The following IFT88 variants were observed in gnomAD, a reference collection of about 807,000 sequenced individuals.
The protein encoded by IFT88 is intraflagellar transport 88, also known as intraflagellar transport protein 88 homolog.
A neutral mutation model predicts 119.5 loss-of-function variants in IFT88; 74 were observed. The ratio of observed to expected loss-of-function variants is 0.62; its 90% CI spans 0.51 to 0.75. IFT88 has a LOEUF of 0.75. IFT88 is among the 30% of genes least tolerant of loss of function. The pLI is 0.00. For synonymous variants in IFT88, 279 were observed against 316.7 expected, an observed-to-expected ratio of 0.88 and a Z score of 1.26; for missense variants, 961 against 977.7, an observed-to-expected ratio of 0.98 and a Z score of 0.23.
intron 17 of IFT88, among the ~76,000 whole-genome samples, chr13:20,640,301 G>A (rs2049686452): frequency 6.6e-6 from 1 of 151,780 alleles, no homozygotes; most frequent in South Asian, 2.1e-4. Context: ...GGCCAGGTGT[G>A]GTGGCTCATG....
intron 12 of IFT88, among the ~76,000 whole-genome samples, chr13:20,604,310 A>T (rs1229157508): frequency 6.6e-6 from 1 of 152,188 alleles, no homozygotes; most frequent in East Asian, 1.9e-4. Flanking sequence ...GTTAATTATT[A>T]TATATTATTT....
intron 12 of IFT88, 117 bp downstream of exon 12, chr13:20,602,050 G>C: frequency 1.6e-6 from 1 of 630,210 alleles, no homozygotes; most frequent in South Asian, 2.1e-5. Context: ...CTGTATCAAT[G>C]TGTTTTATTA....
At chr13:20,644,132 C>G (rs1444760003) in intron 19 of IFT88, among the ~76,000 whole-genome samples, 1 of 152,014 alleles carries the variant, frequency 6.6e-6, no homozygotes, top group Non-Finnish European at 1.5e-5. Context: ...TTTGGGAGAC[C>G]AGAGTGAGAG....
chr13:20,603,821 C>T (rs940836410), intron 12 of IFT88, among the ~76,000 whole-genome samples: 3 of 152,112 alleles, frequency 2.0e-5, no homozygotes, highest in East Asian at 1.9e-4. Flanking sequence ...CACCTGAGCC[C>T]GAGGAGGTCA....
intron 23 of IFT88, among the ~76,000 whole-genome samples, chr13:20,665,536 C>CA (rs1449304678): frequency 6.6e-6 from 1 of 152,082 alleles, no homozygotes; most frequent in Non-Finnish European, 1.5e-5. Context: ...ATATTATTGA[C>CA]AAAAGTCAAC....
At position 20,596,890 on chromosome 13, in the gene IFT88, CAG is replaced by C. The variant is rs141400955; in HGVS notation, c.490-124_490-123del. Reference sequence around the variant, plus strand: ...AAGGGAAGTTTCTGGTAAGAGCACACAGGGGTGTCTTGAGGAATCTGAGGATA... The same window carrying C: ...AAGGGAAGTTTCTGGTAAGAGCACACGGGTGTCTTGAGGAATCTGAGGATA... On this transcript the variant is annotated intron_variant, in intron 8 of 25. Coordinates refer to ENST00000351808, the MANE Select transcript of IFT88 (RefSeq NM_006531.5). 2.3e-3 allele frequency: 1,247 copies of C among 546,674 alleles called. 16 individuals are homozygous for C. Among genetic ancestry groups the C allele is most frequent in the African/African-American group, 0.021 (1,095 of 51,530 alleles). 33.9% of individuals were successfully genotyped at this position (546,674 alleles called of 1,614,324 possible).
At chr13:20,649,008 C>T (rs1453062080) in intron 20 of IFT88, among the ~76,000 whole-genome samples, 2 of 152,070 alleles carry the variant, frequency 1.3e-5, no homozygotes, top group East Asian at 3.8e-4. Flanking sequence ...AGAGGAGCCC[C>T]AAAATATATG....
chr13:20,605,568 TAC>T (rs1405708176), intron 13 of IFT88, among the ~76,000 whole-genome samples: 1 of 152,212 alleles, frequency 6.6e-6, no homozygotes, highest in East Asian at 1.9e-4. Context: ...TGTTTCTACT[TAC>T]AACACTTCTG....
intron 20 of IFT88, among the ~76,000 whole-genome samples, chr13:20,645,985 C>T (rs2050690368): frequency 1.3e-5 from 2 of 152,132 alleles, no homozygotes; most frequent in African/African-American, 4.8e-5. Flanking sequence ...TTCAGTAATA[C>T]ACTGTAAGCT....
chr13:20,617,110 AT>A (rs1324071306), intron 14 of IFT88, among the ~76,000 whole-genome samples: 2 of 151,242 alleles, frequency 1.3e-5, no homozygotes, highest in Non-Finnish European at 3.0e-5. Flanking sequence ...AGCCCAGCTA[AT>A]TTTTTTTTCA....
rs962784416 is a variant in IFT88 at position 20,661,206 on chromosome 13, C to T, written c.2069-2292C>T. ...TCTTAACTCTGCCCAAACTAGGGGA[C>T]GATTGACATAATTAGGTTTTACAGA... is the stretch of plus-strand genomic sequence containing the variant. On this transcript the variant is annotated intron_variant, in intron 22 of 25. Coordinates refer to ENST00000351808, the MANE Select transcript of IFT88 (RefSeq NM_006531.5). 5.3e-5 allele frequency among the ~76,000 whole-genome samples: 8 copies of T among 152,120 alleles called. No individual in the cohort carries two copies. The South Asian group carries it at 6.2e-4, about 12-fold the overall frequency.
intron 24 of IFT88, among the ~76,000 whole-genome samples, chr13:20,678,580 C>T (rs907555822): frequency 5.3e-5 from 8 of 152,188 alleles, no homozygotes; most frequent in Non-Finnish European, 8.8e-5. Flanking sequence ...AGCAGTTTTC[C>T]GCTCCGGAGG....
chr13:20,607,068 C>T lies in IFT88; in HGVS notation c.1112+1963C>T, dbSNP rs556731967. On this transcript the variant is annotated intron_variant, in intron 13 of 25. Coordinates refer to ENST00000351808, the MANE Select transcript of IFT88 (RefSeq NM_006531.5). ...GGCAGCCACTTGGGCAGGATGGCGG[C>T]GGCTACAGTGGGCAATGTGGTCAAC... Among the ~76,000 whole-genome samples, 43 of 152,210 alleles carry T rather than the reference C, an allele frequency of 2.8e-4. No homozygotes were observed. The East Asian group carries it at 2.9e-3, about 10-fold the overall frequency.
At chr13:20,611,690 C>T (rs758741669) in intron 13 of IFT88, among the ~76,000 whole-genome samples, 20 of 151,974 alleles carry the variant, frequency 1.3e-4, no homozygotes, top group Non-Finnish European at 2.4e-4. Context: ...CTGCAACCTC[C>T]GCCTCCTGGG....
chr13:20,649,524 T>C (rs183450868), intron 20 of IFT88, among the ~76,000 whole-genome samples: 80 of 152,232 alleles, frequency 5.3e-4, no homozygotes, highest in African/African-American at 1.8e-3. Context: ...AATTTATATC[T>C]GTAAGTACAT....
intron 20 of IFT88, among the ~76,000 whole-genome samples, chr13:20,649,434 A>G (rs2051246892): frequency 1.3e-5 from 2 of 152,208 alleles, no homozygotes; most frequent in Non-Finnish European, 2.9e-5. Flanking sequence ...CAGGGAAGTT[A>G]GAAAGTAACT....
At chr13:20,608,468 A>G (rs1350407332) in intron 13 of IFT88, among the ~76,000 whole-genome samples, 1 of 152,172 alleles carries the variant, frequency 6.6e-6, no homozygotes, top group Non-Finnish European at 1.5e-5. Context: ...ATGTGGAATT[A>G]TTCCCCAAAC....
chr13:20,607,485 C>T (rs992448817), intron 13 of IFT88: 27 of 678,912 alleles, frequency 4.0e-5, no homozygotes, highest in African/African-American at 2.5e-4. Flanking sequence ...CTGATGGCCA[C>T]GGTCACCAAG....
intron 25 of IFT88, 30 bp downstream of exon 25, chr13:20,690,845 C>A: frequency 6.6e-7 from 1 of 1,512,546 alleles, no homozygotes; most frequent in Non-Finnish European, 9.2e-7. Flanking sequence ...TTCCTCCAGG[C>A]ATAGCAGGTC....
Sources: allele counts gnomAD v4.1 joint callset (sites outside exome capture counted in the v4.1 genomes callset), GRCh38; gene constraint gnomAD v4.1.1; transcripts MANE v1.5; gene names NCBI Gene and HGNC (gene_info 2026-07-23, HGNC 2026-07-21).